The following DMD variants were observed in gnomAD, a reference collection of about 807,000 sequenced individuals.
DMD encodes mutant dystrophin.
In DMD, 63 loss-of-function variants were observed where a neutral mutation model predicts 330.1. The observed-to-expected ratio is 0.19, with a 90% confidence interval of 0.16 to 0.24. The LOEUF (loss-of-function observed/expected upper bound fraction) is 0.24. Among genes scored for constraint, DMD ranks in the 10% least tolerant of loss-of-function variants. DMD has a pLI of 1.00. For synonymous variants in DMD, 1,223 were observed against 959.8 expected (o/e 1.27, Z -5.07); for missense variants, 3,344 against 2,684.1 (o/e 1.25, Z -5.43).
chrX:32,819,010 T>TTG lies in DMD; in HGVS notation c.358-2371_358-2370insCA, dbSNP rs2077996463. Among the ~76,000 whole-genome samples the TTG allele has an allele frequency of 3.9e-5, 4 of 101,672 alleles. No individual in the cohort carries two copies. In the Admixed American group the frequency reaches 4.3e-4, roughly 11 times the overall value. The allele number at this position is 101,672 out of a possible 115,157, so 88.3% of individuals were successfully genotyped here. A position where few individuals can be genotyped will look rare whatever the true frequency, so the allele number is the denominator to read the frequency against. On this transcript the variant is annotated intron_variant, in intron 5 of 78. Coordinates refer to ENST00000357033, the MANE Select transcript of DMD (RefSeq NM_004006.3). ...ACCTCTGCCCTTCTACAGGTGTTTT[T>TTG]TTTTTTTTTTTTTTTTCCAGGGCAT...
chrX:31,754,468 T>A (rs2088883202), intron 51 of DMD, among the ~76,000 whole-genome samples: 1 of 110,963 alleles, frequency 9.0e-6, no homozygotes, highest in South Asian at 3.7e-4. Flanking sequence ...AGAGACAGAC[T>A]GACTCATTAA....
At chrX:32,760,867 A>G (rs1390188394) in intron 7 of DMD, among the ~76,000 whole-genome samples, 2 of 111,497 alleles carry the variant, frequency 1.8e-5, no homozygotes, top group African/African-American at 6.5e-5. Context: ...TACCTCACAT[A>G]ATGACATGAT....
chrX:31,332,378 A>T (rs1008269200), intron 61 of DMD, among the ~76,000 whole-genome samples: 1 of 112,109 alleles, frequency 8.9e-6, no homozygotes, highest in Admixed American at 9.5e-5. Flanking sequence ...ATATTCTTGT[A>T]TAGTAGTTAT....
intron 55 of DMD, among the ~76,000 whole-genome samples, chrX:31,547,231 A>AAGACTGAAGTCTACAATTCAATTGT (rs1219676316): frequency 1.8e-5 from 2 of 112,304 alleles, no homozygotes; most frequent in Non-Finnish European, 3.8e-5. Flanking sequence ...AATTCATACA[A>AAGACTGAAGTCTACAATTCAATTGT]AGACTGAAGT....
In DMD at chrX:31,197,950, C is replaced by T. The variant is rs770417514; in HGVS notation, c.9807+6011G>A. On this transcript the variant is annotated intron_variant, in intron 67 of 78. Coordinates refer to ENST00000357033, the MANE Select transcript of DMD (RefSeq NM_004006.3). ...TTATTTGCAGCAACATGTACGGAACCGGAAGACGTTATGTTGAGATCAGCC... is the reference window on the plus strand; with the variant it reads ...TTATTTGCAGCAACATGTACGGAACTGGAAGACGTTATGTTGAGATCAGCC... Among the ~76,000 whole-genome samples the T allele has an allele frequency of 1.8e-3, 189 of 105,077 alleles. 1 individual carries two copies. Among genetic ancestry groups the T allele is most frequent in the Non-Finnish European group, 3.1e-3 (158 of 51,643 alleles). 91.2% of individuals were successfully genotyped at this position (105,077 alleles called of 115,157 possible).
rs902608072 is a variant in DMD, at chrX:32,771,824, T to C, written c.649+37669A>G. Among the ~76,000 whole-genome samples, 3 of 112,004 alleles carry C rather than the reference T, an allele frequency of 2.7e-5. No individual in the cohort carries two copies. In the Admixed American group the frequency reaches 2.9e-4, roughly 11 times the overall value. On this transcript the variant is annotated intron_variant, in intron 7 of 78. Transcript: ENST00000357033. ...TCAAGAATGAGAGGATTTTGTTTTA[T>C]CTTTGAGGTTTATACATTATTCTTC...
intron 61 of DMD, among the ~76,000 whole-genome samples, chrX:31,334,479 T>C (rs1463782780): frequency 9.0e-6 from 1 of 111,723 alleles, no homozygotes; most frequent in African/African-American, 3.3e-5. Flanking sequence ...ATTCCTCCCT[T>C]CCATTCTACT....
At chrX:31,759,206 T>A (rs2089371592) in intron 51 of DMD, among the ~76,000 whole-genome samples, 1 of 109,843 alleles carries the variant, frequency 9.1e-6, no homozygotes, top group Admixed American at 9.8e-5. Flanking sequence ...CTGAATTATA[T>A]TAACAGTGTT....
chrX:32,790,493 T>C (rs965442919), intron 7 of DMD, among the ~76,000 whole-genome samples: 2 of 111,659 alleles, frequency 1.8e-5, no homozygotes, highest in Admixed American at 1.9e-4. Context: ...TCTAGAGTCC[T>C]AAGCAGCTGC....
intron 2 of DMD, among the ~76,000 whole-genome samples, chrX:32,865,483 C>T (rs1169050229): frequency 1.8e-5 from 2 of 111,040 alleles, no homozygotes; most frequent in African/African-American, 6.6e-5. Flanking sequence ...ACTTCACATG[C>T]TAAGGATCAG....
rs2032057657 is a variant in DMD, at chrX:31,119,859, T to C, written c.*2060A>G. 9.0e-6 allele frequency: 1 copy of C among 111,255 alleles called. No homozygotes were observed. The highest frequency in any genetic ancestry group is 1.9e-5 in the Non-Finnish European group (1 of 52,998). 9.2% of individuals were successfully genotyped at this position (111,255 alleles called of 1,213,427 possible). On this transcript the variant is annotated 3_prime_UTR_variant, in exon 79 of 79. Coordinates refer to ENST00000357033, the MANE Select transcript of DMD (RefSeq NM_004006.3). ...TTACCTTAGAGCTTTGGGTTTTCTT[T>C]TGAAAATTATGAAGGAAAAAGAAAG...
intron 7 of DMD, among the ~76,000 whole-genome samples, chrX:32,762,009 G>T (rs1363195373): frequency 9.2e-6 from 1 of 108,684 alleles, no homozygotes; most frequent in Non-Finnish European, 1.9e-5. Context: ...AATTAGCCAG[G>T]CATAGTTGCA....
chrX:32,385,225 C>A (rs1434282193), intron 33 of DMD, among the ~76,000 whole-genome samples: 1 of 110,477 alleles, frequency 9.1e-6, no homozygotes, highest in African/African-American at 3.3e-5. Flanking sequence ...ACCAAAGGAA[C>A]AGAATAGAGA....
intron 44 of DMD, among the ~76,000 whole-genome samples, chrX:32,129,978 C>CTT (rs756669672): frequency 3.3e-5 from 3 of 89,553 alleles, no homozygotes; most frequent in African/African-American, 8.1e-5. Flanking sequence ...TTTTCAAAGA[C>CTT]TTTTTTTTTT....
chrX:32,305,503 T>A (rs143115731), intron 42 of DMD, among the ~76,000 whole-genome samples: 1,288 of 111,069 alleles, frequency 0.012, 48 homozygotes, highest in Admixed American at 0.098. Context: ...GAGAAATATA[T>A]CTGCTATCTC....
intron 50 of DMD, among the ~76,000 whole-genome samples, chrX:31,816,794 T>TCACACACACACACACACACACACA (rs759346277): frequency 7.0e-4 from 60 of 85,361 alleles, no homozygotes; most frequent in African/African-American, 2.1e-3. Flanking sequence ...CAAGATTCTG[T>TCACACACACACACACACACACACA]CACACACACA....
chrX:32,201,464 CAAA>C (rs2097036653), intron 44 of DMD, among the ~76,000 whole-genome samples: 1 of 70,389 alleles, frequency 1.4e-5, no homozygotes, highest in African/African-American at 6.8e-5. Context: ...TATGCAAATT[CAAA>C]CACCCCCCCC....
chrX:32,886,055 G>A (rs990397322), intron 2 of DMD, among the ~76,000 whole-genome samples: 25 of 111,148 alleles, frequency 2.2e-4, no homozygotes, highest in African/African-American at 8.2e-4. Flanking sequence ...AACAACATAT[G>A]TAGATAAAAG....
At chrX:32,778,753 G>C (rs1358578535) in intron 7 of DMD, among the ~76,000 whole-genome samples, 2 of 111,460 alleles carry the variant, frequency 1.8e-5, no homozygotes, top group African/African-American at 6.5e-5. Context: ...GCCTACTCTT[G>C]TGCCTCTTTC....
Sources: allele counts gnomAD v4.1 joint callset (sites outside exome capture counted in the v4.1 genomes callset), GRCh38; gene constraint gnomAD v4.1.1; transcripts MANE v1.5; gene names NCBI Gene and HGNC (gene_info 2026-07-23, HGNC 2026-07-21).